Variants in SLC46A3 observed in about 807,000 individuals in gnomAD.
The protein encoded by SLC46A3 is lysosomal proton-coupled steroid conjugate and bile acid symporter SLC46A3.
A neutral mutation model predicts 38.5 loss-of-function variants in SLC46A3; 26 were observed. That is an observed-to-expected ratio of 0.68 (90% CI 0.49 to 0.94). The LOEUF (loss-of-function observed/expected upper bound fraction) is 0.94. SLC46A3 is among the 40% of genes least tolerant of loss of function. SLC46A3 has a pLI of 0.00. For missense variants in SLC46A3, 510 were observed against 544.3 expected (o/e 0.94, Z 0.63); for synonymous variants, 185 against 192.5 (o/e 0.96, Z 0.32).
intron 4 of SLC46A3, among the ~76,000 whole-genome samples, chr13:28,707,041 C>T (rs572916657): frequency 3.0e-4 from 46 of 152,240 alleles, no homozygotes; most frequent in African/African-American, 1.1e-3. Context: ...CCAGCAATCC[C>T]ATTACTGGGT....
intron 3 of SLC46A3, 87 bp downstream of exon 3, chr13:28,712,593 G>A: frequency 7.4e-7 from 1 of 1,359,180 alleles, no homozygotes; most frequent in Non-Finnish European, 9.7e-7. Flanking sequence ...GAGGGCTTTA[G>A]ATTAAAGTTT....
Position 28,701,458 on chromosome 13 carries a change from T to A in SLC46A3, c.*39A>T, listed in dbSNP as rs748892503. The stretch of plus-strand genomic sequence containing the variant: ...TCTTCAGAAGTCATGGTATATGATA[T>A]GTGCATTCATAGATTTTTTTTGTTT... On this transcript the variant is annotated 3_prime_UTR_variant, in exon 6 of 6. Transcript: ENST00000266943. The A allele has an allele frequency of 6.2e-7, 1 of 1,605,124 alleles. No individual in the cohort carries two copies. The highest frequency in any genetic ancestry group is 8.5e-7 in the Non-Finnish European group (1 of 1,177,262).
Position 28,704,320 on chromosome 13 carries a change from G to A in SLC46A3, c.1145-221C>T. 2.1e-5 allele frequency: 10 copies of A among 484,854 alleles called. No individual in the cohort carries two copies. The South Asian group carries it at 2.6e-4, about 13-fold the overall frequency. 30.0% of individuals were successfully genotyped at this position (484,854 alleles called of 1,614,324 possible). ...GAAAGGTTCTCCTTGGACTTGATGT[G>A]AGAGATGTTGGAAACTCCAAATAGC... On this transcript the variant is annotated intron_variant, in intron 4 of 5. Transcript: ENST00000266943.
In SLC46A3 at chr13:28,712,844, T is replaced by C. The variant is rs538290533; in HGVS notation, c.896A>G (p.Tyr299Cys). Residue 299 changes from tyrosine to cysteine, a missense_variant, in exon 3 of 6, where the codon TAT becomes TGT. Coordinates refer to ENST00000266943, the MANE Select transcript of SLC46A3 (RefSeq NM_181785.4). ...AGAGGCACTACCCAAAGCTGATCCA[T>C]AACCTATAAAAACTTCATTCCAGCA... is the stretch of plus-strand genomic sequence containing the variant. The part of the protein sequence containing the change: ...PLCWNEVFIG[Y>C]GSALGSASFL... 4.3e-6 allele frequency: 7 copies of C among 1,612,136 alleles called. No individual in the cohort carries two copies. The African/African-American group carries it at 5.4e-5, about 12-fold the overall frequency.
At chr13:28,717,083 T>G (rs1325856209) in intron 2 of SLC46A3, among the ~76,000 whole-genome samples, 1 of 151,978 alleles carries the variant, frequency 6.6e-6, no homozygotes, top group African/African-American at 2.4e-5. Flanking sequence ...ACCAGGAGAA[T>G]GGTGAAGTGC....
intron 2 of SLC46A3, among the ~76,000 whole-genome samples, chr13:28,716,024 G>A (rs1047111121): frequency 2.0e-5 from 3 of 150,380 alleles, no homozygotes; most frequent in East Asian, 3.9e-4. Context: ...GTAGTGGCAC[G>A]TGCCTGTAGT....
intron 4 of SLC46A3, among the ~76,000 whole-genome samples, chr13:28,710,136 C>CAGGGTAGCCCAGG (rs1279696875): frequency 1.9e-4 from 29 of 152,292 alleles, no homozygotes; most frequent in African/African-American, 6.3e-4. Context: ...CACGTAGGAA[C>CAGGGTAGCCCAGG]AGGGTAGCCC....
At chr13:28,717,610 A>C (rs1275519488) in intron 2 of SLC46A3, among the ~76,000 whole-genome samples, 200 bp downstream of exon 2, 1 of 151,318 alleles carries the variant, frequency 6.6e-6, no homozygotes, top group African/African-American at 2.4e-5. Flanking sequence ...AGGGTGTTTT[A>C]AGAAGAAGAG....
At chr13:28,701,641 C>T in intron 5 of SLC46A3, 60 bp from the exon 6 acceptor site, 1 of 1,511,656 alleles carries the variant, frequency 6.6e-7, no homozygotes, top group Non-Finnish European at 9.0e-7. Flanking sequence ...AATAAGTAAT[C>T]TGTTTTCCAA....
intron 2 of SLC46A3, among the ~76,000 whole-genome samples, chr13:28,716,403 A>G (rs1031251676): frequency 3.9e-5 from 6 of 151,984 alleles, no homozygotes; most frequent in African/African-American, 1.5e-4. Context: ...CAACCTAGAG[A>G]GACTCTGGGC....
At chr13:28,715,371 G>A (rs1885498823) in intron 2 of SLC46A3, among the ~76,000 whole-genome samples, 2 of 152,260 alleles carry the variant, frequency 1.3e-5, no homozygotes, top group South Asian at 4.1e-4. Context: ...GCCAACACTT[G>A]CCCCCTGTAT....
In SLC46A3 at chr13:28,700,808, C is replaced by A; in HGVS notation, c.*689G>T. 1 of 603,648 alleles carries A rather than the reference C, an allele frequency of 1.7e-6. No individual in the cohort carries two copies. The highest frequency in any genetic ancestry group is 2.8e-6 in the Non-Finnish European group (1 of 354,584). The allele number at this position is 603,648 out of a possible 1,614,324, so 37.4% of individuals were successfully genotyped here. ...ATTATCATGCCTGTCACCGATGAAACATATTAAGAAAAGTGAAAAATACAT... is the reference window on the plus strand; with the variant it reads ...ATTATCATGCCTGTCACCGATGAAAAATATTAAGAAAAGTGAAAAATACAT... On this transcript the variant is annotated 3_prime_UTR_variant, in exon 6 of 6. Transcript: ENST00000266943.
intron 5 of SLC46A3, 133 bp downstream of exon 5, chr13:28,703,810 C>T: frequency 1.5e-6 from 1 of 689,608 alleles, no homozygotes. Context: ...GCGAGCACTT[C>T]ATGTCTAAAA....
intron 4 of SLC46A3, among the ~76,000 whole-genome samples, chr13:28,709,811 C>A (rs1478883656): frequency 6.6e-6 from 1 of 152,176 alleles, no homozygotes; most frequent in African/African-American, 2.4e-5. Flanking sequence ...ATCTCTCTGG[C>A]TGCCTCGACA....
chr13:28,702,538 T>C (rs1161292453), intron 5 of SLC46A3, among the ~76,000 whole-genome samples: 2 of 152,360 alleles, frequency 1.3e-5, no homozygotes, highest in Non-Finnish European at 2.9e-5. Context: ...TACAGCTGAA[T>C]AGTACTATTA....
rs56878379 is a variant in SLC46A3 at position 28,717,485 on chromosome 13, CTTTTTTT to C, written c.189+318_189+324del. The stretch of plus-strand genomic sequence containing the variant: ...AGCCTGCCCTGCCCCAATTTTCAGA[CTTTTTTT>C]TTTTTTTTTTTTTTTTTTAGGACAA... On this transcript the variant is annotated intron_variant, in intron 2 of 5. Transcript: ENST00000266943. 3.7e-3 allele frequency among the ~76,000 whole-genome samples: 469 copies of C among 126,900 alleles called. 6 individuals are homozygous for C. The highest frequency in any genetic ancestry group is 0.034 in the South Asian group (139 of 4,074). The allele number at this position is 126,900 out of a possible 152,430, so 83.3% of individuals were successfully genotyped here. A position where few individuals can be genotyped will look rare whatever the true frequency, so the allele number is the denominator to read the frequency against.
chr13:28,718,454 A>G (rs1885598478), intron 1 of SLC46A3, 42 bp downstream of exon 1: 1 of 152,956 alleles, frequency 6.5e-6, no homozygotes, highest in Admixed American at 6.5e-5. Context: ...GGGGCGTTTT[A>G]AAAAGCAGCT....
At position 28,704,026 on chromosome 13, in the gene SLC46A3, A is replaced by T; in HGVS notation, c.1218T>A (p.Ile406=). Residue 406 remains isoleucine (I), a synonymous_variant, in exon 5 of 6, where the codon ATT becomes ATA. Coordinates refer to ENST00000266943, the MANE Select transcript of SLC46A3 (RefSeq NM_181785.4). ...GGTACCAAGCAACAGTGGCTGAGTA[A>T]ATTCCATTAAAAGTAGAAACTGCAG... The part of the protein sequence containing the change: ...GVTAVSTFNG[I]YSATVAWYPG... 1 of 1,613,874 alleles carries T rather than the reference A, an allele frequency of 6.2e-7. No homozygotes were observed. Among genetic ancestry groups the T allele is most frequent in the Middle Eastern group, 1.6e-4 (1 of 6,062 alleles).
rs1354786384 is a variant in SLC46A3 at position 28,712,823 on chromosome 13, G to T, written c.917C>A (p.Ala306Asp). ...FIGYGSALGS[A>D]SFLTSFLGIW... ...TCCTAGGAAACTAGTCAAAAAAGAG[G>T]CACTACCCAAAGCTGATCCATAACC... The change falls in exon 3 of 6, where the codon GCC (alanine) becomes GAC (aspartate). Residue 306 changes from alanine to aspartate, a missense_variant. Transcript: ENST00000266943. 1 of 1,613,510 alleles carries T rather than the reference G, an allele frequency of 6.2e-7. No individual in the cohort carries two copies. Among genetic ancestry groups the T allele is most frequent in the Non-Finnish European group, 8.5e-7 (1 of 1,179,882 alleles).
Sources: allele counts gnomAD v4.1 joint callset (sites outside exome capture counted in the v4.1 genomes callset), GRCh38; gene constraint gnomAD v4.1.1; transcripts MANE v1.5; gene names NCBI Gene and HGNC (gene_info 2026-07-23, HGNC 2026-07-21).